The following AGMO variants were observed in gnomAD, a reference collection of about 807,000 sequenced individuals.
AGMO encodes alkylglycerol monooxygenase, also known as glyceryl-ether monooxygenase.
In AGMO, 75 loss-of-function variants were observed where a neutral mutation model predicts 60.2. The ratio of observed to expected loss-of-function variants is 1.25; its 90% confidence interval spans 1.03 to 1.51. AGMO has a LOEUF of 1.51. Ranked by LOEUF, AGMO falls within the 40% of genes most tolerant of loss-of-function variation. AGMO has a pLI of 0.00. For missense variants in AGMO, 763 were observed against 525.5 expected (o/e 1.45, Z -4.42); for synonymous variants, 261 against 177.1 (o/e 1.47, Z -3.76).
intron 12 of AGMO, chr7:15,306,671 G>C (rs901102655): frequency 2.1e-5 from 7 of 332,576 alleles, no homozygotes; most frequent in African/African-American, 4.5e-5. Context: ...GCTTCAAATA[G>C]TTAGATTTTA....
At chr7:15,132,962 G>C in the AGMO span, among the ~76,000 whole-genome samples, 7 of 152,084 alleles carry the variant, frequency 4.6e-5, no homozygotes, top group Admixed American at 1.3e-4. Context: ...ATGCAAGAGG[G>C]GAGCACGGTT....
chr7:15,275,800 T>G (rs142966378), intron 12 of AGMO, among the ~76,000 whole-genome samples: 5 of 151,796 alleles, frequency 3.3e-5, no homozygotes, highest in South Asian at 2.1e-4. Context: ...GCTTTTGTCT[T>G]TTTTTTTAAC....
At chr7:15,190,319 A>C in the AGMO span, among the ~76,000 whole-genome samples, 2 of 150,620 alleles carry the variant, frequency 1.3e-5, no homozygotes, top group Admixed American at 1.3e-4. Flanking sequence ...GAGATTCTTT[A>C]CTCTTCCAAA....
chr7:15,298,920 C>G (rs763594767), intron 12 of AGMO, among the ~76,000 whole-genome samples: 1 of 152,156 alleles, frequency 6.6e-6, no homozygotes, highest in Non-Finnish European at 1.5e-5. Flanking sequence ...TCACAGTCAA[C>G]TATTTTCATT....
At chr7:15,206,201 C>A (rs1362396245) in intron 12 of AGMO, among the ~76,000 whole-genome samples, 1 of 151,996 alleles carries the variant, frequency 6.6e-6, no homozygotes, top group Non-Finnish European at 1.5e-5. Context: ...CCAAATGTAC[C>A]ATAGCTCTTT....
chr7:15,498,298 T>C (rs559989013), intron 3 of AGMO, among the ~76,000 whole-genome samples: 2 of 152,134 alleles, frequency 1.3e-5, no homozygotes, highest in South Asian at 4.1e-4. Flanking sequence ...TTATTTTGTA[T>C]ACTATCAAAG....
chr7:15,268,474 T>C (rs553086960), intron 12 of AGMO, among the ~76,000 whole-genome samples: 10 of 152,160 alleles, frequency 6.6e-5, no homozygotes, highest in East Asian at 1.9e-4. Flanking sequence ...GAAAAATGTA[T>C]GCATGCATTC....
chr7:15,213,411 G>GA (rs1437083005), intron 12 of AGMO, among the ~76,000 whole-genome samples: 1 of 151,060 alleles, frequency 6.6e-6, no homozygotes, highest in Non-Finnish European at 1.5e-5. Context: ...TCTATTATGT[G>GA]AAAAAAATAA....
chr7:15,465,603 T>A (rs909420625), intron 3 of AGMO, among the ~76,000 whole-genome samples: 5 of 125,836 alleles, frequency 4.0e-5, no homozygotes, highest in East Asian at 3.6e-4. Flanking sequence ...ATATATATAT[T>A]TATATATATA....
intron 6 of AGMO, among the ~76,000 whole-genome samples, chr7:15,393,207 T>A (rs1784221845): frequency 6.6e-6 from 1 of 152,000 alleles, no homozygotes; most frequent in African/African-American, 2.4e-5. Flanking sequence ...TTCTGGGGAG[T>A]CCCCTTCTAC....
chr7:15,252,399 A>G (rs1419348535), intron 12 of AGMO, among the ~76,000 whole-genome samples: 1 of 152,170 alleles, frequency 6.6e-6, no homozygotes, highest in Non-Finnish European at 1.5e-5. Context: ...CAAATGGAAT[A>G]TGGCAAAGGC....
intron 3 of AGMO, among the ~76,000 whole-genome samples, chr7:15,461,806 G>A (rs1308244355): frequency 1.3e-5 from 2 of 152,070 alleles, no homozygotes; most frequent in Non-Finnish European, 2.9e-5. Context: ...ACTTGAAGAA[G>A]TATAGTGCAA....
rs139453542 is a variant in AGMO, at chr7:15,489,325, CA to C, written c.409+55446del. 2.6e-4 allele frequency among the ~76,000 whole-genome samples: 39 copies of C among 152,132 alleles called. No individual in the cohort carries two copies. The East Asian group carries it at 7.1e-3, about 28-fold the overall frequency. ...ATAACTTTAAGAATTTTCTTTAATTCAGAGGAAATAGAGGAATGTAAAATTA... is the reference window on the plus strand; with the variant it reads ...ATAACTTTAAGAATTTTCTTTAATTCGAGGAAATAGAGGAATGTAAAATTA... On this transcript the variant is annotated intron_variant, in intron 3 of 12. Transcript: ENST00000342526.
chr7:15,512,815 C>A (rs1016517411), intron 3 of AGMO, among the ~76,000 whole-genome samples: 3 of 152,034 alleles, frequency 2.0e-5, no homozygotes, highest in Admixed American at 6.6e-5. Context: ...GCACTTTATT[C>A]TCTATGTTTG....
intron 1 of AGMO, among the ~76,000 whole-genome samples, chr7:15,561,376 G>A (rs991970021): frequency 1.3e-5 from 2 of 152,196 alleles, no homozygotes; most frequent in African/African-American, 4.8e-5. Context: ...ATTTAAAAAT[G>A]AAATTGTTAC....
At chr7:15,430,630 TA>T (rs1165399598) in intron 4 of AGMO, among the ~76,000 whole-genome samples, 3,694 of 104,742 alleles carry the variant, frequency 0.035, 106 homozygotes, top group African/African-American at 0.099. Flanking sequence ...TGGTTTTTTT[TA>T]AAAAAAAAAA....
rs1784102981 is a variant in AGMO, at chr7:15,390,733, T to A, written c.760A>T (p.Asn254Tyr). The change falls in exon 8 of 13, where the codon AAT (asparagine) becomes TAT (tyrosine). Residue 254 changes from asparagine to tyrosine, a missense_variant. Asn to Tyr is a moderately radical substitution (Grantham distance 143). Transcript: ENST00000342526. ...GTTAAGCCATATACAACTTTTTCAT[T>A]TTCTGCTTCAAATGTCCCTGGAAGA... Reference protein sequence around the residue: ...DKIFGTFEAENEKVVYGLTHP... With the variant: ...DKIFGTFEAEYEKVVYGLTHP... 1 of 1,611,160 alleles carries A rather than the reference T, an allele frequency of 6.2e-7. No individual in the cohort carries two copies. The highest frequency in any genetic ancestry group is 1.1e-5 in the South Asian group (1 of 90,606).
chr7:15,319,482 T>C (rs1055711467), intron 12 of AGMO, among the ~76,000 whole-genome samples: 1 of 152,044 alleles, frequency 6.6e-6, no homozygotes, highest in Non-Finnish European at 1.5e-5. Flanking sequence ...AAACAAAGCT[T>C]TGCATGCTCT....
At chr7:15,354,309 T>TACACACGCGTGTATAC (rs147403658) in intron 12 of AGMO, among the ~76,000 whole-genome samples, 4 of 67,296 alleles carry the variant, frequency 5.9e-5, no homozygotes, top group Non-Finnish European at 7.9e-5. Context: ...TATACGTGTA[T>TACACACGCGTGTATAC]ACACGCGTGT....
Sources: allele counts gnomAD v4.1 joint callset (sites outside exome capture counted in the v4.1 genomes callset), GRCh38; gene constraint gnomAD v4.1.1; transcripts MANE v1.5; gene names NCBI Gene and HGNC (gene_info 2026-07-23, HGNC 2026-07-21).